Variants in ZNF583 observed in about 807,000 individuals in gnomAD.
The protein encoded by ZNF583 is zinc finger protein 583, also known as zinc finger protein L3-5.
ZNF583 carries 30 observed loss-of-function variants against 55.3 expected under a neutral mutation model. The ratio of observed to expected loss-of-function variants is 0.54; its 90% CI spans 0.41 to 0.74. The LOEUF (loss-of-function observed/expected upper bound fraction) is 0.74. Among genes scored for constraint, ZNF583 ranks in the 30% least tolerant of loss-of-function variants. The pLI is 0.00. For synonymous variants in ZNF583, 208 were observed against 220.0 expected, an observed-to-expected ratio of 0.95 and a Z score of 0.48; for missense variants, 504 against 664.7, an observed-to-expected ratio of 0.76 and a Z score of 2.66.
chr19:56,416,089 A>G (rs954209605), intron 4 of ZNF583, among the ~76,000 whole-genome samples: 1 of 151,620 alleles, frequency 6.6e-6, no homozygotes, highest in Non-Finnish European at 1.5e-5. Flanking sequence ...GCACTTTGGG[A>G]GGCCGAGGTG....
chr19:56,424,513 GC>G lies in ZNF583; in HGVS notation c.*146del. ...ATTGTCTCTGTCAGATGTCCACATT[GC>G]AACCAAATTTGTATTTTTAAAAATA... On this transcript the variant is annotated 3_prime_UTR_variant, in exon 5 of 5. Coordinates refer to ENST00000333201, the MANE Select transcript of ZNF583 (RefSeq NM_152478.3). 1.9e-6 allele frequency: 1 copy of G among 530,018 alleles called. No homozygotes were observed. The highest frequency in any genetic ancestry group is 3.0e-5 in the East Asian group (1 of 33,874). 32.8% of individuals were successfully genotyped at this position (530,018 alleles called of 1,614,324 possible).
intron 2 of ZNF583, 112 bp downstream of exon 2, chr19:56,407,235 A>G: frequency 8.3e-7 from 1 of 1,211,920 alleles, no homozygotes; most frequent in South Asian, 1.3e-5. Context: ...CCATTCATCC[A>G]GTGACTCGTT....
intron 2 of ZNF583, among the ~76,000 whole-genome samples, chr19:56,407,775 G>A (rs766291201): frequency 1.2e-4 from 19 of 152,164 alleles, no homozygotes; most frequent in Non-Finnish European, 1.9e-4. Flanking sequence ...GTAAAAAATA[G>A]CAGAACTTTG....
At chr19:56,421,689 C>G (rs979987687) in intron 4 of ZNF583, among the ~76,000 whole-genome samples, 6 of 152,140 alleles carry the variant, frequency 3.9e-5, no homozygotes, top group Non-Finnish European at 7.4e-5. Flanking sequence ...CTTATTGATT[C>G]AGTATTTATT....
chr19:56,404,126 G>C (rs2042106359), upstream of ZNF583: 1 of 152,440 alleles, frequency 6.6e-6, no homozygotes, highest in Non-Finnish European at 1.5e-5. This position sits in a 1 kb window ranked among gnomAD's most constrained non-coding sequence, Gnocchi z 5.2. Context: ...GCGGACAGTC[G>C]AACGGCCTGA....
intron 4 of ZNF583, chr19:56,414,735 T>C (rs963251124): frequency 3.1e-5 from 7 of 227,204 alleles, no homozygotes; most frequent in Non-Finnish European, 6.0e-5. Flanking sequence ...TTATACAAGT[T>C]GCTTGGTTTC....
rs1187476069 is a variant in ZNF583, at chr19:56,423,275, A to G, written c.617A>G (p.Tyr206Cys). 6.2e-7 allele frequency: 1 copy of G among 1,609,542 alleles called. No homozygotes were observed. The highest frequency in any genetic ancestry group is 1.7e-5 in the Admixed American group (1 of 58,916). ...GTTGAAATGAAACATAGGAAAGTCT[A>G]TGTAGAAAAGAAACTTTTGAAATGT... is the stretch of plus-strand genomic sequence containing the variant. ...KSVEMKHRKV[Y>C]VEKKLLKCND... is the part of the protein sequence containing the mutation. The change falls in exon 5 of 5, where the codon TAT (tyrosine) becomes TGT (cysteine). Residue 206 changes from tyrosine to cysteine, a missense_variant. This residue lies in a region of ZNF583 where 204 missense variants were observed against 235.2 expected (regional missense o/e 0.87). Transcript: ENST00000333201.
chr19:56,414,343 A>G lies in ZNF583; in HGVS notation c.137-2A>G. 5 of 1,614,064 alleles carry G rather than the reference A, an allele frequency of 3.1e-6. No homozygotes were observed. The highest frequency in any genetic ancestry group is 4.2e-6 in the Non-Finnish European group (5 of 1,179,952). Reference sequence around the variant, plus strand: ...AATTCCCCTTTTGTTTTTTGTAAGCAGGAGTTTCTGTTTCTAAGCCAGATG... The same window carrying G: ...AATTCCCCTTTTGTTTTTTGTAAGCGGGAGTTTCTGTTTCTAAGCCAGATG... On this transcript the variant is annotated splice_acceptor_variant, in intron 3 of 4. Transcript: ENST00000333201. LOFTEE classifies it high-confidence loss of function.
chr19:56,416,790 T>C (rs1221338705), intron 4 of ZNF583, among the ~76,000 whole-genome samples: 3 of 152,038 alleles, frequency 2.0e-5, no homozygotes, highest in African/African-American at 7.3e-5. Context: ...TGGATACATA[T>C]AAATTGTACA....
chr19:56,407,020 C>G lies in ZNF583; in HGVS notation c.-89-6C>G, dbSNP rs2042164554. ...TGGCATTTTATGGTTTCTTTTCCTT[C>G]TCCAGCTCGACTTTCTCAGGATACT... On this transcript the variant is annotated splice_polypyrimidine_tract_variant and splice_region_variant and intron_variant, in intron 1 of 4. Coordinates refer to ENST00000333201, the MANE Select transcript of ZNF583 (RefSeq NM_152478.3). 8 of 1,470,972 alleles carry G rather than the reference C, an allele frequency of 5.4e-6. No homozygotes were observed. Among genetic ancestry groups the G allele is most frequent in the Non-Finnish European group, 6.6e-6 (7 of 1,064,826 alleles). The allele number at this position is 1,470,972 out of a possible 1,614,324, so 91.1% of individuals were successfully genotyped here.
At chr19:56,414,545 A>G (rs2042288737) in intron 4 of ZNF583, 105 bp downstream of exon 4, 2 of 986,542 alleles carry the variant, frequency 2.0e-6, no homozygotes, top group African/African-American at 3.3e-5. Context: ...GCTCTTCTTA[A>G]AGACTCAAAG....
intron 2 of ZNF583, among the ~76,000 whole-genome samples, chr19:56,410,258 G>A (rs571950348): frequency 5.9e-5 from 9 of 152,174 alleles, no homozygotes; most frequent in South Asian, 2.1e-4. Context: ...CAATTTGACC[G>A]TATCGTTGCT....
chr19:56,406,531 T>TC (rs2042151961), intron 1 of ZNF583, among the ~76,000 whole-genome samples: 1 of 31,692 alleles, frequency 3.2e-5, no homozygotes. Context: ...TGTTGTATTC[T>TC]TTTTTTTTTT....
At chr19:56,408,590 AG>A (rs1425861671) in intron 2 of ZNF583, among the ~76,000 whole-genome samples, 1 of 152,242 alleles carries the variant, frequency 6.6e-6, no homozygotes, top group Non-Finnish European at 1.5e-5. Context: ...AAAAGAGGCC[AG>A]GGGAAGAAAG....
chr19:56,409,922 AT>A (rs1227017395), intron 2 of ZNF583, among the ~76,000 whole-genome samples: 1 of 151,650 alleles, frequency 6.6e-6, no homozygotes, highest in African/African-American at 2.4e-5. Context: ...ATTATACATA[AT>A]TTTTATTGTT....
intron 2 of ZNF583, among the ~76,000 whole-genome samples, chr19:56,412,622 A>G (rs139330082): frequency 4.6e-4 from 70 of 152,322 alleles, no homozygotes; most frequent in African/African-American, 1.7e-3. Context: ...TAAGTTACCA[A>G]CTATCTTTAC....
intron 3 of ZNF583, 101 bp downstream of exon 3, chr19:56,414,186 GT>G: frequency 1.3e-6 from 2 of 1,528,790 alleles, no homozygotes; most frequent in South Asian, 2.5e-5. Flanking sequence ...TCCTTTTCTT[GT>G]GCTTCCCAAA....
At chr19:56,410,324 C>A (rs2042218121) in intron 2 of ZNF583, among the ~76,000 whole-genome samples, 1 of 152,064 alleles carries the variant, frequency 6.6e-6, no homozygotes, top group Non-Finnish European at 1.5e-5. Flanking sequence ...TTGTGAAATC[C>A]TGGTCTCAAT....
upstream of ZNF583, chr19:56,404,016 T>TGCGCGTGCGCCTCACC (rs1391302701): frequency 2.0e-5 from 3 of 152,556 alleles, no homozygotes; most frequent in South Asian, 2.1e-4. The surrounding 1 kb of genome is among the most constrained non-coding windows in gnomAD (Gnocchi z 5.2). Context: ...ACGCGGTCAC[T>TGCGCGTGCGCCTCACC]GCGCGTGCGC....
Sources: allele counts gnomAD v4.1 joint callset (sites outside exome capture counted in the v4.1 genomes callset), GRCh38; gene constraint gnomAD v4.1.1; regional missense constraint gnomAD v4.1.1; non-coding constraint Gnocchi (gnomAD v3.1); transcripts MANE v1.5; gene names NCBI Gene and HGNC (gene_info 2026-07-23, HGNC 2026-07-21).